The following GXYLT2 variants were observed in gnomAD, a reference collection of about 807,000 sequenced individuals.
GXYLT2 encodes glycosyltransferase 8 domain containing 4.
GXYLT2 carries 53 observed loss-of-function variants against 45.8 expected under a neutral mutation model. The observed-to-expected ratio is 1.16, with a 90% CI of 0.93 to 1.46. GXYLT2 has a LOEUF of 1.46. GXYLT2 is among the 40% of genes most tolerant of loss of function. The pLI is 0.00. For missense variants in GXYLT2, 551 were observed against 544.4 expected (o/e 1.01, Z -0.12); for synonymous variants, 219 against 214.2 (o/e 1.02, Z -0.19).
chr3:72,901,094 G>A (rs1709394692), intron 1 of GXYLT2, among the ~76,000 whole-genome samples: 1 of 152,052 alleles, frequency 6.6e-6, no homozygotes, highest in Admixed American at 6.6e-5. Context: ...TTCAAGACCA[G>A]CCTGATCAAT....
At chr3:72,946,748 G>A (rs1167999279) in intron 3 of GXYLT2, among the ~76,000 whole-genome samples, 1 of 152,090 alleles carries the variant, frequency 6.6e-6, no homozygotes, top group Admixed American at 6.6e-5. Flanking sequence ...TTTAACATAT[G>A]AACTTGGGGG....
intron 3 of GXYLT2, among the ~76,000 whole-genome samples, chr3:72,937,663 T>C (rs1447236809): frequency 1.3e-5 from 2 of 152,222 alleles, no homozygotes; most frequent in Admixed American, 6.5e-5. Context: ...TCTTAGAATA[T>C]TAGTGACAGC....
Position 72,908,371 on chromosome 3 carries a change from C to T in GXYLT2, c.280C>T (p.Pro94Ser). 6.3e-7 allele frequency: 1 copy of T among 1,592,780 alleles called. No individual in the cohort carries two copies. Among genetic ancestry groups the T allele is most frequent in the Non-Finnish European group, 8.5e-7 (1 of 1,173,254 alleles). Reference protein sequence around the residue: ...AARLEKLARRPGEPRSFQAVL... With the variant: ...AARLEKLARRSGEPRSFQAVL... Reference sequence around the variant, plus strand: ...ACTTGTTTTCCCTCTTTCTAGGAGGCCTGGAGAACCCAGGAGTTTCCAAGC... The same window carrying T: ...ACTTGTTTTCCCTCTTTCTAGGAGGTCTGGAGAACCCAGGAGTTTCCAAGC... The change falls in exon 2 of 7, where the codon CCT (proline) becomes TCT (serine). Residue 94 changes from proline (P) to serine (S), a missense_variant. Pro to Ser is a moderately conservative substitution (Grantham distance 74). Coordinates refer to ENST00000389617, the MANE Select transcript of GXYLT2 (RefSeq NM_001080393.2).
rs199715829 is a variant in GXYLT2, at chr3:72,956,805, G to T, written c.853-424G>T. Among the ~76,000 whole-genome samples, 36 of 151,782 alleles carry T rather than the reference G, an allele frequency of 2.4e-4. 1 individual carries two copies. Among genetic ancestry groups the T allele is most frequent in the African/African-American group, 8.2e-4 (34 of 41,370 alleles). ...CCTGGGAGGCTGAGGCACGAGAATC[G>T]CTTGAACCCGGGAGGTGGAGGTTGC... is the stretch of plus-strand genomic sequence containing the variant. On this transcript the variant is annotated intron_variant, in intron 4 of 6. Coordinates refer to ENST00000389617, the MANE Select transcript of GXYLT2 (RefSeq NM_001080393.2).
intron 6 of GXYLT2, among the ~76,000 whole-genome samples, chr3:72,974,745 G>C (rs571769401): frequency 6.6e-6 from 1 of 152,216 alleles, no homozygotes; most frequent in African/African-American, 2.4e-5. Flanking sequence ...ACCATGCCTA[G>C]CCTTTTTCTT....
chr3:72,889,215 C>G (rs911754435), intron 1 of GXYLT2, among the ~76,000 whole-genome samples: 1 of 152,136 alleles, frequency 6.6e-6, no homozygotes, highest in Non-Finnish European at 1.5e-5. Flanking sequence ...TTATTTTTGG[C>G]CTCAGGGTTG....
At chr3:72,967,312 C>CAA (rs1463408052) in intron 5 of GXYLT2, among the ~76,000 whole-genome samples, 2 of 152,116 alleles carry the variant, frequency 1.3e-5, no homozygotes, top group Non-Finnish European at 2.9e-5. Flanking sequence ...ATTTAAGATG[C>CAA]AACACTCTCT....
At chr3:72,897,529 G>A (rs1457947914) in intron 1 of GXYLT2, among the ~76,000 whole-genome samples, 1 of 152,200 alleles carries the variant, frequency 6.6e-6, no homozygotes, top group Non-Finnish European at 1.5e-5. Flanking sequence ...CTGGTGGGGT[G>A]AGGGGCAGCT....
chr3:72,955,895 T>C (rs1310603900), intron 4 of GXYLT2, among the ~76,000 whole-genome samples: 1 of 152,122 alleles, frequency 6.6e-6, no homozygotes, highest in East Asian at 1.9e-4. Context: ...CTGACCAACA[T>C]GGCGAAACCC....
At chr3:72,967,793 C>T (rs1710895818) in intron 6 of GXYLT2, 74 bp downstream of exon 6, 2 of 1,301,870 alleles carry the variant, frequency 1.5e-6, no homozygotes, top group South Asian at 2.6e-5. Flanking sequence ...AGTCACCTGT[C>T]CCTTTGAAGG....
chr3:72,956,068 G>A (rs1267213084), intron 4 of GXYLT2, among the ~76,000 whole-genome samples: 1 of 152,074 alleles, frequency 6.6e-6, no homozygotes, highest in Non-Finnish European at 1.5e-5. Context: ...CAGAGACTGT[G>A]ATTATTTGTA....
chr3:72,908,824 A>G (rs908914172), intron 2 of GXYLT2, among the ~76,000 whole-genome samples: 3 of 152,050 alleles, frequency 2.0e-5, no homozygotes, highest in Non-Finnish European at 4.4e-5. Flanking sequence ...TGCAGCCTCA[A>G]CCTTCCAGGC....
chr3:72,958,931 T>A (rs1710706997), intron 5 of GXYLT2, among the ~76,000 whole-genome samples: 1 of 143,070 alleles, frequency 7.0e-6, no homozygotes, highest in Non-Finnish European at 1.5e-5. Flanking sequence ...GGTGCCCAGG[T>A]ATTTTTTTTT....
Position 72,955,109 on chromosome 3 carries a change from G to A in GXYLT2, c.612G>A (p.Lys204=), listed in dbSNP as rs755121331. 1 of 1,613,820 alleles carries A rather than the reference G, an allele frequency of 6.2e-7. No individual in the cohort carries two copies. The highest frequency in any genetic ancestry group is 1.7e-5 in the Admixed American group (1 of 60,018). ...AQRLFLPVIL[K]DVDSLLYVDT... ...CCTTACACACAAAGGTGATTTTAAA[G>A]GATGTGGACTCACTTCTCTACGTGG... The change falls in exon 4 of 7, where the codon AAG becomes AAA. Residue 204 remains lysine, a synonymous_variant. Transcript: ENST00000389617.
Position 72,957,242 on chromosome 3 carries a change from C to G in GXYLT2, c.866C>G (p.Pro289Arg). Reference sequence around the variant, plus strand: ...TCTTTTTTCCAGAACAGCATGATTCCAACAGGCCTGGCTTGGGAGGACATG... The same window carrying G: ...TCTTTTTTCCAGAACAGCATGATTCGAACAGGCCTGGCTTGGGAGGACATG... Reference protein sequence around the residue: ...RSTQFKNSMIPTGLAWEDMLY... With the variant: ...RSTQFKNSMIRTGLAWEDMLY... The change falls in exon 5 of 7, where the codon CCA (proline) becomes CGA (arginine). Residue 289 changes from proline to arginine, a missense_variant. Transcript: ENST00000389617. 6.2e-7 allele frequency: 1 copy of G among 1,612,046 alleles called. No homozygotes were observed. The highest frequency in any genetic ancestry group is 8.5e-7 in the Non-Finnish European group (1 of 1,179,086).
intron 3 of GXYLT2, among the ~76,000 whole-genome samples, chr3:72,922,753 C>T (rs114423698): frequency 2.6e-5 from 4 of 152,284 alleles, no homozygotes; most frequent in Non-Finnish European, 5.9e-5. Context: ...GCTATCATTC[C>T]AAAAGGGTCC....
At chr3:72,944,525 G>C (rs1392801080) in intron 3 of GXYLT2, among the ~76,000 whole-genome samples, 1 of 152,104 alleles carries the variant, frequency 6.6e-6, no homozygotes, top group African/African-American at 2.4e-5. Flanking sequence ...AAAGTGCTGG[G>C]AGTACACCGC....
intron 5 of GXYLT2, among the ~76,000 whole-genome samples, chr3:72,963,961 C>G (rs1710814510): frequency 6.6e-6 from 1 of 152,058 alleles, no homozygotes; most frequent in African/African-American, 2.4e-5. Context: ...AGGCGTGAGC[C>G]ACCATACCCG....
chr3:72,888,283 CGCT>C lies in GXYLT2; in HGVS notation c.58_60del (p.Leu20del), dbSNP rs1199854629. On this transcript the variant is annotated inframe_deletion, in exon 1 of 7. Coordinates refer to ENST00000389617, the MANE Select transcript of GXYLT2 (RefSeq NM_001080393.2). Reference sequence around the variant, plus strand: ...GCGCTGCTCTTGCTCGCGCTGGCCGCGCTGCTGCTGGCGCTGCTGTCCCTGCGC... The same window carrying C: ...GCGCTGCTCTTGCTCGCGCTGGCCGCGCTGCTGGCGCTGCTGTCCCTGCGC... The C allele has an allele frequency of 1.0e-6, 1 of 994,356 alleles. No individual in the cohort carries two copies. Among genetic ancestry groups the C allele is most frequent in the East Asian group, 1.1e-4 (1 of 9,102 alleles). 61.6% of individuals were successfully genotyped at this position (994,356 alleles called of 1,614,324 possible).
Sources: allele counts gnomAD v4.1 joint callset (sites outside exome capture counted in the v4.1 genomes callset), GRCh38; gene constraint gnomAD v4.1.1; transcripts MANE v1.5; gene names NCBI Gene and HGNC (gene_info 2026-07-23, HGNC 2026-07-21).